EYS: variants seen among roughly 807,000 people sequenced by gnomAD.
EYS encodes the protein protein eyes shut homolog.
Under a neutral mutation model 282.1 loss-of-function variants are expected in EYS, and 250 were observed. The ratio of observed to expected loss-of-function variants is 0.89; its 90% confidence interval spans 0.80 to 0.98. The LOEUF is 0.98. Ranked by LOEUF, EYS falls within the 50% of genes least tolerant of loss-of-function variation. EYS has a pLI of 0.00. For synonymous variants in EYS, 1,355 were observed against 1,282.9 expected (o/e 1.06, Z -1.20); for missense variants, 4,016 against 3,709.0 (o/e 1.08, Z -2.15).
Position 63,895,011 on chromosome 6 carries a change from C to T in EYS, c.7056-30653G>A, listed in dbSNP as rs558725918. Among the ~76,000 whole-genome samples the T allele has an allele frequency of 1.7e-3, 258 of 152,016 alleles. 1 individual carries two copies. Among genetic ancestry groups the T allele is most frequent in the African/African-American group, 6.0e-3 (249 of 41,436 alleles). ...ACAGGGCCATTGAGACTTGCCTGGC[C>T]GTCTTCTGTGGACAGCTTTCTAGAT... On this transcript the variant is annotated intron_variant, in intron 35 of 42. Transcript: ENST00000503581.
chr6:64,132,577 G>A (rs1036722949), intron 31 of EYS, among the ~76,000 whole-genome samples: 1 of 151,878 alleles, frequency 6.6e-6, no homozygotes, highest in Non-Finnish European at 1.5e-5. Context: ...ATTATAGGGT[G>A]AAAGAAAGTG....
chr6:65,031,143 TTA>T (rs56260229), intron 13 of EYS, among the ~76,000 whole-genome samples: 2,907 of 145,452 alleles, frequency 0.02, 40 homozygotes, highest in East Asian at 0.028. Flanking sequence ...ATTTTATATT[TTA>T]TATATATATA....
At chr6:64,180,642 T>A (rs1764762522) in intron 31 of EYS, among the ~76,000 whole-genome samples, 1 of 152,114 alleles carries the variant, frequency 6.6e-6, no homozygotes, top group African/African-American at 2.4e-5. Context: ...GTTTACCCAG[T>A]GTTTAGCTCT....
rs556113812 is a variant in EYS at position 63,835,091 on chromosome 6, T to A, written c.7229-28719A>T. On this transcript the variant is annotated intron_variant, in intron 36 of 42. Transcript: ENST00000503581. ...GGGGGAGGGTTAGCATTAAGGGATA[T>A]ACCTAATGTAAATGATGAGTTAATG... 3.7e-4 allele frequency among the ~76,000 whole-genome samples: 55 copies of A among 148,664 alleles called. 1 individual carries two copies. The highest frequency in any genetic ancestry group is 1.3e-3 in the African/African-American group (53 of 40,758).
intron 9 of EYS, among the ~76,000 whole-genome samples, chr6:65,348,676 T>A (rs192198912): frequency 1.3e-5 from 2 of 151,836 alleles, no homozygotes; most frequent in Admixed American, 1.3e-4. Flanking sequence ...GTGAGTTTTG[T>A]CTTTGTTGTT....
chr6:64,042,498 T>C lies in EYS; in HGVS notation c.6725+23840A>G, dbSNP rs116786546. The stretch of plus-strand genomic sequence containing the variant: ...AATGCTCATACAAATAGGAAGTGCA[T>C]GTTTCTCCACTGTGTTCGGAAGACT... On this transcript the variant is annotated intron_variant, in intron 33 of 42. Transcript: ENST00000503581. 3.5e-3 allele frequency among the ~76,000 whole-genome samples: 540 copies of C among 152,296 alleles called. 5 individuals are homozygous for C. The highest frequency in any genetic ancestry group is 0.012 in the African/African-American group (517 of 41,564).
At position 64,279,899 on chromosome 6, in the gene EYS, A is replaced by C. The variant is rs188339522; in HGVS notation, c.6191+27071T>G. ...CAGTTCACGTTTCAACAACTGTATC[A>C]AATTAAATAATTAAGACTGACTTGG... On this transcript the variant is annotated intron_variant, in intron 30 of 42. Coordinates refer to ENST00000503581, the MANE Select transcript of EYS (RefSeq NM_001142800.2). 8.5e-5 allele frequency among the ~76,000 whole-genome samples: 13 copies of C among 152,314 alleles called. No individual in the cohort carries two copies. The East Asian group carries it at 2.5e-3, about 29-fold the overall frequency.
Position 64,755,679 on chromosome 6 carries a change from T to C in EYS, c.3443+57699A>G, listed in dbSNP as rs148417367. Among the ~76,000 whole-genome samples, 958 of 152,138 alleles carry C rather than the reference T, an allele frequency of 6.3e-3. 6 individuals are homozygous for C. Among genetic ancestry groups the C allele is most frequent in the Non-Finnish European group, 9.4e-3 (637 of 67,946 alleles). On this transcript the variant is annotated intron_variant, in intron 22 of 42. Transcript: ENST00000503581. ...ATACTGCATGTTCTCACTTGTAAGT[T>C]TGAGCTAAATAATGTGTACACAGGG...
intron 15 of EYS, among the ~76,000 whole-genome samples, chr6:64,939,667 TAC>T (rs148797350): frequency 3.1e-4 from 46 of 149,322 alleles, no homozygotes; most frequent in African/African-American, 7.1e-4. Context: ...ATGTATTTCA[TAC>T]ACACACACAC....
chr6:64,617,324 C>T, intron 24 of EYS, 94 bp downstream of exon 24: 2 of 821,178 alleles, frequency 2.4e-6, no homozygotes, highest in South Asian at 3.0e-5. Context: ...ATTAACTACT[C>T]CGACCTTATT....
At chr6:64,622,354 C>T (rs757614390) in intron 23 of EYS, among the ~76,000 whole-genome samples, 1 of 151,744 alleles carries the variant, frequency 6.6e-6, no homozygotes, top group East Asian at 1.9e-4. Context: ...GAACACTCCC[C>T]AAGGACTGAT....
At chr6:65,264,354 T>C (rs899840990) in intron 12 of EYS, among the ~76,000 whole-genome samples, 13 of 152,168 alleles carry the variant, frequency 8.5e-5, no homozygotes, top group Non-Finnish European at 1.2e-4. Context: ...TGTAACTACA[T>C]TTCATTGCAA....
chr6:64,011,528 G>A (rs1164978243), intron 33 of EYS, among the ~76,000 whole-genome samples: 1 of 151,012 alleles, frequency 6.6e-6, no homozygotes, highest in Non-Finnish European at 1.5e-5. Context: ...GCATTTGAAT[G>A]CATCTGTCTC....
chr6:64,947,402 G>C (rs535314712), intron 14 of EYS, among the ~76,000 whole-genome samples: 1 of 151,912 alleles, frequency 6.6e-6, no homozygotes, highest in East Asian at 1.9e-4. Flanking sequence ...GTTGAACAGG[G>C]CCAATTGGTT....
At chr6:63,934,930 C>T (rs1227348259) in intron 35 of EYS, among the ~76,000 whole-genome samples, 3 of 151,990 alleles carry the variant, frequency 2.0e-5, no homozygotes, top group Non-Finnish European at 4.4e-5. Context: ...ATAAAAATAA[C>T]AACAACAAAA....
intron 13 of EYS, among the ~76,000 whole-genome samples, chr6:65,004,324 C>A (rs1374922111): frequency 6.8e-6 from 1 of 147,540 alleles, no homozygotes; most frequent in African/African-American, 2.4e-5. Flanking sequence ...GTGAAGATAA[C>A]TGACATTGAC....
Position 63,728,361 on chromosome 6 carries a change from T to C in EYS, c.8072-1681A>G, listed in dbSNP as rs549787468. ...TCCATCTATCTTTGTGAAACTGATATTAGCATATTTTGCCTATCACTTCTT... is the reference window on the plus strand; with the variant it reads ...TCCATCTATCTTTGTGAAACTGATACTAGCATATTTTGCCTATCACTTCTT... On this transcript the variant is annotated intron_variant, in intron 41 of 42. Transcript: ENST00000503581. Among the ~76,000 whole-genome samples the C allele has an allele frequency of 3.3e-5, 5 of 152,358 alleles. No homozygotes were observed. The East Asian group carries it at 5.8e-4, about 18-fold the overall frequency.
intron 7 of EYS, among the ~76,000 whole-genome samples, chr6:65,388,523 T>A (rs1765883988): frequency 2.0e-5 from 3 of 152,006 alleles, no homozygotes; most frequent in African/African-American, 7.2e-5. Context: ...AAATTGCTAC[T>A]GTGCTGTCTG....
At chr6:65,009,326 G>T (rs977197291) in intron 13 of EYS, among the ~76,000 whole-genome samples, 1 of 152,124 alleles carries the variant, frequency 6.6e-6, no homozygotes, top group Non-Finnish European at 1.5e-5. Flanking sequence ...AATTTTAGGA[G>T]TAAAGAAACC....
Sources: gnomAD v4.1 joint callset for allele counts (sites outside exome capture counted in the v4.1 genomes callset) on GRCh38, gnomAD v4.1.1 for gene constraint, MANE v1.5 for transcripts, NCBI Gene and HGNC (gene_info 2026-07-23, HGNC 2026-07-21) for gene names.